The following CCBE1 variants were observed in gnomAD, a reference collection of about 807,000 sequenced individuals.
CCBE1 encodes collagen and calcium-binding EGF domain-containing protein 1.
Under a neutral mutation model 50.0 loss-of-function variants are expected in CCBE1, and 37 were observed. The observed-to-expected ratio is 0.74, with a 90% CI of 0.57 to 0.97. The LOEUF (loss-of-function observed/expected upper bound fraction) is 0.97, where lower values mean the gene tolerates loss of function less well. CCBE1 is among the 50% of genes least tolerant of loss of function. The pLI is 0.00. For synonymous variants in CCBE1, 234 were observed against 203.7 expected, an observed-to-expected ratio of 1.15 and a Z score of -1.27; for missense variants, 538 against 523.8, an observed-to-expected ratio of 1.03 and a Z score of -0.26.
rs1462584026 is a variant in CCBE1, at chr18:59,604,109, A to G, written c.212+92520T>C. 5.3e-5 allele frequency among the ~76,000 whole-genome samples: 8 copies of G among 152,222 alleles called. No individual in the cohort carries two copies. In the East Asian group the frequency reaches 1.3e-3, roughly 26 times the overall value. On this transcript the variant is annotated intron_variant, in intron 2 of 10. Transcript: ENST00000439986. ...ATGCAGGCAAATAAGGAAGGATCCAATGGAGAAAGTAGGCAGAAGAAACTG... is the reference window on the plus strand; with the variant it reads ...ATGCAGGCAAATAAGGAAGGATCCAGTGGAGAAAGTAGGCAGAAGAAACTG...
chr18:59,540,584 C>T (rs1915429489), intron 2 of CCBE1, among the ~76,000 whole-genome samples: 1 of 152,170 alleles, frequency 6.6e-6, no homozygotes, highest in African/African-American at 2.4e-5. Flanking sequence ...GTTTAGTCCT[C>T]TTCTCCCCAC....
chr18:59,552,225 C>T (rs553803718), intron 2 of CCBE1, among the ~76,000 whole-genome samples: 8 of 152,286 alleles, frequency 5.3e-5, no homozygotes, highest in East Asian at 3.9e-4. Flanking sequence ...AACATCGCTT[C>T]GGGCACATTC....
At chr18:59,652,004 C>T (rs2054133843) in intron 2 of CCBE1, among the ~76,000 whole-genome samples, 1 of 152,142 alleles carries the variant, frequency 6.6e-6, no homozygotes, top group Non-Finnish European at 1.5e-5. Flanking sequence ...TAATCTTTAA[C>T]CCATTTCTTT....
At chr18:59,589,456 G>A (rs1403070805) in intron 2 of CCBE1, among the ~76,000 whole-genome samples, 7 of 152,042 alleles carry the variant, frequency 4.6e-5, no homozygotes, top group East Asian at 1.9e-4. Context: ...TAATATCGAC[G>A]TAAAACTCCA....
chr18:59,567,261 C>T (rs2052844632), intron 2 of CCBE1, among the ~76,000 whole-genome samples: 1 of 151,826 alleles, frequency 6.6e-6, no homozygotes, highest in Non-Finnish European at 1.5e-5. Flanking sequence ...TGGGAGGCTA[C>T]CATACCCAGC....
At chr18:59,452,188 G>T (rs1400154808) in intron 6 of CCBE1, among the ~76,000 whole-genome samples, 2 of 152,170 alleles carry the variant, frequency 1.3e-5, no homozygotes, top group African/African-American at 4.8e-5. Flanking sequence ...CTGTGGGGTT[G>T]GCCATGGTCT....
At chr18:59,499,874 A>G (rs1040251969) in intron 2 of CCBE1, among the ~76,000 whole-genome samples, 1 of 152,194 alleles carries the variant, frequency 6.6e-6, no homozygotes, top group African/African-American at 2.4e-5. Context: ...CCAGCTGTGA[A>G]CAAGAAGGGT....
In CCBE1 at chr18:59,697,246, A is replaced by C; in HGVS notation, c.97T>G (p.Trp33Gly). Residue 33 changes from tryptophan to glycine, a missense_variant, in exon 1 of 11, where the codon TGG becomes GGG. Transcript: ENST00000439986. Reference sequence around the variant, plus strand: ...TCCTCCGGCTCCTCTCTGTAGGTCCACGTGTGTCCCAACGCCAGGAGCAGC... The same window carrying C: ...TCCTCCGGCTCCTCTCTGTAGGTCCCCGTGTGTCCCAACGCCAGGAGCAGC... ...LLLLLALGHT[W>G]TYREEPEDGD... 1 of 1,549,220 alleles carries C rather than the reference A, an allele frequency of 6.5e-7. No individual in the cohort carries two copies. Among genetic ancestry groups the C allele is most frequent in the Non-Finnish European group, 8.7e-7 (1 of 1,146,716 alleles).
At chr18:59,680,976 A>C (rs2054582004) in intron 2 of CCBE1, among the ~76,000 whole-genome samples, 1 of 152,102 alleles carries the variant, frequency 6.6e-6, no homozygotes, top group African/African-American at 2.4e-5. Context: ...GGATGTTAAT[A>C]AATACAAAAA....
chr18:59,612,450 T>A (rs1485044808), intron 2 of CCBE1, among the ~76,000 whole-genome samples: 1 of 152,164 alleles, frequency 6.6e-6, no homozygotes, highest in African/African-American at 2.4e-5. Context: ...ACAGCAATTC[T>A]AGGGCTGATG....
chr18:59,534,426 T>G (rs938715310), intron 2 of CCBE1, among the ~76,000 whole-genome samples: 1 of 152,250 alleles, frequency 6.6e-6, no homozygotes, highest in Non-Finnish European at 1.5e-5. Flanking sequence ...AAGTCAGCCA[T>G]ACACCTAACC....
chr18:59,662,781 T>C (rs1006234973), intron 2 of CCBE1, among the ~76,000 whole-genome samples: 1 of 152,206 alleles, frequency 6.6e-6, no homozygotes, highest in Admixed American at 6.5e-5. Flanking sequence ...AGGTAATTCA[T>C]CCAGGTAATA....
intron 2 of CCBE1, among the ~76,000 whole-genome samples, chr18:59,658,335 A>T (rs1827229170): frequency 6.6e-5 from 2 of 30,348 alleles, no homozygotes; most frequent in African/African-American, 1.3e-4. Flanking sequence ...AAAAAAAAAA[A>T]AAAAAAAAAA....
At position 59,607,057 on chromosome 18, in the gene CCBE1, GAAAAA is replaced by G. The variant is rs59954169; in HGVS notation, c.212+89567_212+89571del. 3.0e-3 allele frequency among the ~76,000 whole-genome samples: 348 copies of G among 117,372 alleles called. 9 individuals carry two copies. The East Asian group carries it at 0.041, about 14-fold the overall frequency. The allele number at this position is 117,372 out of a possible 152,430, so 77.0% of individuals were successfully genotyped here. On this transcript the variant is annotated intron_variant, in intron 2 of 10. Coordinates refer to ENST00000439986, the MANE Select transcript of CCBE1 (RefSeq NM_133459.4). Reference sequence around the variant, plus strand: ...CTCCATAAAAGGTGTGTTGAATTGGGAAAAAAAAAAAAAAAAAAAGCACACAAGTA... The same window carrying G: ...CTCCATAAAAGGTGTGTTGAATTGGGAAAAAAAAAAAAAAGCACACAAGTA...
At chr18:59,502,631 C>T (rs1913677494) in intron 2 of CCBE1, among the ~76,000 whole-genome samples, 1 of 152,126 alleles carries the variant, frequency 6.6e-6, no homozygotes, top group Non-Finnish European at 1.5e-5. Context: ...CAACTCTGAG[C>T]CCTTGGAATT....
intron 2 of CCBE1, among the ~76,000 whole-genome samples, chr18:59,520,629 C>T (rs1914559260): frequency 6.6e-6 from 1 of 152,216 alleles, no homozygotes; most frequent in Non-Finnish European, 1.5e-5. Context: ...CACACACATG[C>T]CAATTAGCTG....
chr18:59,441,322 C>A (rs1187680848), intron 7 of CCBE1, among the ~76,000 whole-genome samples: 2 of 151,954 alleles, frequency 1.3e-5, no homozygotes, highest in Non-Finnish European at 1.5e-5. Flanking sequence ...TCAGCCTGGG[C>A]AACATGGTGA....
At chr18:59,696,588 G>T (rs1237889986) in intron 2 of CCBE1, 41 bp downstream of exon 2, 1 of 1,611,670 alleles carries the variant, frequency 6.2e-7, no homozygotes, top group Non-Finnish European at 8.5e-7. Context: ...AGCCAGCCCC[G>T]GTGCGCAGTG....
rs1568201646 is a variant in CCBE1 at position 59,551,025 on chromosome 18, A to AAAAAGAAAAGAAAAG, written c.213-70802_213-70788dup. Among the ~76,000 whole-genome samples the AAAAAGAAAAGAAAAG allele has an allele frequency of 9.7e-3, 1,108 of 114,210 alleles. 10 individuals are homozygous for AAAAAGAAAAGAAAAG. Among genetic ancestry groups the AAAAAGAAAAGAAAAG allele is most frequent in the East Asian group, 0.027 (99 of 3,646 alleles). The allele number at this position is 114,210 out of a possible 152,430, so 74.9% of individuals were successfully genotyped here. On this transcript the variant is annotated intron_variant, in intron 2 of 10. Coordinates refer to ENST00000439986, the MANE Select transcript of CCBE1 (RefSeq NM_133459.4). ...AAAAAAAAAAAAAAAAAAAAAAAAA[A>AAAAAGAAAAGAAAAG]AAAAGAAAAGAAAAGAAAAGAAAAA... is the stretch of plus-strand genomic sequence containing the variant.
Sources: gnomAD v4.1 joint callset for allele counts (sites outside exome capture counted in the v4.1 genomes callset) on GRCh38, gnomAD v4.1.1 for gene constraint, MANE v1.5 for transcripts, NCBI Gene and HGNC (gene_info 2026-07-23, HGNC 2026-07-21) for gene names.